Variants in LRR1 observed in about 807,000 individuals in gnomAD.
LRR1 encodes leucine rich repeat protein 1, also known as leucine-rich repeat protein 1.
LRR1 carries 29 observed loss-of-function variants against 31.6 expected under a neutral mutation model. The observed-to-expected ratio is 0.92, with a 90% confidence interval of 0.68 to 1.25. The LOEUF is 1.25. Ranked by LOEUF, LRR1 falls within the 50% of genes most tolerant of loss-of-function variation. The pLI is 0.00. For missense variants in LRR1, 485 were observed against 487.2 expected, an observed-to-expected ratio of 1.00 and a Z score of 0.04; for synonymous variants, 179 against 181.4, an observed-to-expected ratio of 0.99 and a Z score of 0.10.
At chr14:49,601,209 T>C (rs1337753894) in intron 1 of LRR1, 1 of 1,477,288 alleles carries the variant, frequency 6.8e-7, no homozygotes, top group African/African-American at 1.4e-5. Flanking sequence ...TATTAAAGCT[T>C]AATGTGCTTT....
chr14:49,601,763 CAGAG>C, intron 1 of LRR1: 18 of 988,282 alleles, frequency 1.8e-5, no homozygotes, highest in Non-Finnish European at 2.3e-5. Flanking sequence ...ACTGGACAGA[CAGAG>C]CAGTAACATC....
At chr14:49,606,837 A>G (rs1183645641) in intron 2 of LRR1, among the ~76,000 whole-genome samples, 1 of 150,740 alleles carries the variant, frequency 6.6e-6, no homozygotes, top group Admixed American at 6.6e-5. Context: ...TTGTATTTTT[A>G]GTAGAAACAG....
In LRR1 at chr14:49,614,560, A is replaced by G. The variant is rs763749876; in HGVS notation, c.*64A>G. 2.5e-6 allele frequency: 4 copies of G among 1,602,734 alleles called. No homozygotes were observed. In the East Asian group the frequency reaches 6.7e-5, roughly 27 times the overall value. ...GTTTGGGGTGCATGTATGATTTTGC[A>G]GCGTCAAATTGGAGTAAGGGAAGAT... On this transcript the variant is annotated 3_prime_UTR_variant, in exon 4 of 4. Transcript: ENST00000298288.
At chr14:49,614,228 A>G (rs1260658546) in intron 3 of LRR1, 28 bp from the exon 4 acceptor site, 3 of 1,591,884 alleles carry the variant, frequency 1.9e-6, no homozygotes, top group Middle Eastern at 1.7e-4. Context: ...AACATGTTAT[A>G]AAATATTTTT....
At chr14:49,609,236 T>G (rs1440422871) in intron 3 of LRR1, among the ~76,000 whole-genome samples, 1 of 131,666 alleles carries the variant, frequency 7.6e-6, no homozygotes, top group Non-Finnish European at 1.6e-5. Flanking sequence ...TTTTTTTTTT[T>G]TTTTTTTGAG....
Position 49,612,848 on chromosome 14 carries a change from T to C in LRR1, c.1005-1408T>C, listed in dbSNP as rs529125935. On this transcript the variant is annotated intron_variant, in intron 3 of 3. Coordinates refer to ENST00000298288, the MANE Select transcript of LRR1 (RefSeq NM_152329.4). ...CATGGTTGTGTTTAGCGGGGAGGTT[T>C]GGGCAGTGGGCAGGCAATCTCAAGA... is the stretch of plus-strand genomic sequence containing the variant. Among the ~76,000 whole-genome samples, 57 of 152,228 alleles carry C rather than the reference T, an allele frequency of 3.7e-4. No individual in the cohort carries two copies. The South Asian group carries it at 0.01, about 28-fold the overall frequency.
In LRR1 at chr14:49,607,346, A is replaced by C. The variant is rs149501131; in HGVS notation, c.283-54A>C. The stretch of plus-strand genomic sequence containing the variant: ...AGAATTTGTTATGGGAAGAACTAGC[A>C]TGTATGTATTATCTCCAGTGGAATT... On this transcript the variant is annotated intron_variant, in intron 2 of 3. Transcript: ENST00000298288. 165 of 1,462,018 alleles carry C rather than the reference A, an allele frequency of 1.1e-4. No individual in the cohort carries two copies. The East Asian group carries it at 3.7e-3, about 32-fold the overall frequency. The allele number at this position is 1,462,018 out of a possible 1,614,324, so 90.6% of individuals were successfully genotyped here.
At chr14:49,610,475 G>A (rs1882472011) in intron 3 of LRR1, among the ~76,000 whole-genome samples, 1 of 151,562 alleles carries the variant, frequency 6.6e-6, no homozygotes, top group Non-Finnish European at 1.5e-5. Context: ...GGCTGGTTTT[G>A]AACTCCTGGC....
intron 1 of LRR1, chr14:49,601,517 C>T (rs1202384053): frequency 2.4e-6 from 2 of 831,696 alleles, no homozygotes; most frequent in Admixed American, 4.7e-5. Context: ...TTTGAGCACT[C>T]ATTATGTGTC....
chr14:49,601,441 A>G, intron 1 of LRR1: 1 of 526,488 alleles, frequency 1.9e-6, no homozygotes, highest in Non-Finnish European at 3.4e-6. Flanking sequence ...CAGATGCAAC[A>G]GCAATCATTA....
intron 2 of LRR1, 95 bp from the exon 3 acceptor site, chr14:49,607,305 T>G (rs779967598): frequency 3.4e-5 from 43 of 1,252,908 alleles, no homozygotes; most frequent in Non-Finnish European, 4.2e-5. Context: ...TGTATCACAT[T>G]CATAAGTAAT....
chr14:49,614,196 T>C, intron 3 of LRR1, 60 bp from the exon 4 acceptor site: 1 of 1,508,248 alleles, frequency 6.6e-7, no homozygotes, highest in Non-Finnish European at 8.9e-7. Context: ...CATGTCCTAA[T>C]AATTCATGTC....
intron 1 of LRR1, chr14:49,600,355 C>T (rs1882007844): frequency 9.0e-6 from 14 of 1,552,486 alleles, no homozygotes; most frequent in Admixed American, 3.3e-5. Flanking sequence ...TTAATAGGAG[C>T]TCAGATTGAT....
chr14:49,604,992 C>A (rs1358320667), intron 2 of LRR1, among the ~76,000 whole-genome samples: 1 of 151,984 alleles, frequency 6.6e-6, no homozygotes, highest in Non-Finnish European at 1.5e-5. Flanking sequence ...ACCTTCCAGG[C>A]TCAGGTGATC....
In LRR1 at chr14:49,598,996, G is replaced by C; in HGVS notation, c.-25G>C. On this transcript the variant is annotated 5_prime_UTR_variant, in exon 1 of 4. An upstream open reading frame in the 5' UTR loses its in-frame stop. Coordinates refer to ENST00000298288, the MANE Select transcript of LRR1 (RefSeq NM_152329.4). ...AAGGAGGAAGTTTCAAAGCCAGCTT[G>C]ACGTGGTTGTGGCCGTTGGGCGAGA... 6.3e-7 allele frequency: 1 copy of C among 1,591,158 alleles called. No homozygotes were observed. The highest frequency in any genetic ancestry group is 8.6e-7 in the Non-Finnish European group (1 of 1,167,740).
intron 3 of LRR1, among the ~76,000 whole-genome samples, chr14:49,613,018 G>A (rs931009144): frequency 6.6e-6 from 1 of 152,030 alleles, no homozygotes; most frequent in Non-Finnish European, 1.5e-5. Context: ...TGGCCAACAT[G>A]GTTAACCCCC....
rs184582715 is a variant in LRR1 at position 49,612,619 on chromosome 14, C to G, written c.1005-1637C>G. The G allele has an allele frequency of 2.8e-4, 295 of 1,060,960 alleles. 2 individuals carry two copies. In the African/African-American group the frequency reaches 4.7e-3, roughly 17 times the overall value. The allele number at this position is 1,060,960 out of a possible 1,614,324, so 65.7% of individuals were successfully genotyped here. ...AAATAGGGCCATCCTAGATCCCGTA[C>G]CAAAGGTAACCGCTGTTTTTTTATT... On this transcript the variant is annotated intron_variant, in intron 3 of 3. Coordinates refer to ENST00000298288, the MANE Select transcript of LRR1 (RefSeq NM_152329.4).
chr14:49,602,168 GAGA>G lies in LRR1; in HGVS notation c.184-199_184-197del, dbSNP rs1295287572. On this transcript the variant is annotated intron_variant, in intron 1 of 3. Transcript: ENST00000298288. Reference sequence around the variant, plus strand: ...TTTTTTTTTTTTTTTTTTTTTTTTTGAGAAGGAGTCTCTTTCTGTTGCCCAGCC... The same window carrying G: ...TTTTTTTTTTTTTTTTTTTTTTTTTGAGGAGTCTCTTTCTGTTGCCCAGCC... 2.2e-4 allele frequency among the ~76,000 whole-genome samples: 12 copies of G among 54,192 alleles called. No homozygotes were observed. In the Admixed American group the frequency reaches 2.5e-3, roughly 11 times the overall value. 35.6% of individuals were successfully genotyped at this position (54,192 alleles called of 152,430 possible).
Position 49,599,234 on chromosome 14 carries a change from C to T in LRR1, c.183+31C>T, listed in dbSNP as rs373277710. The T allele has an allele frequency of 2.1e-5, 32 of 1,553,960 alleles. No individual in the cohort carries two copies. In the African/African-American group the frequency reaches 3.5e-4, roughly 17 times the overall value. On this transcript the variant is annotated intron_variant, in intron 1 of 3. Coordinates refer to ENST00000298288, the MANE Select transcript of LRR1 (RefSeq NM_152329.4). The stretch of plus-strand genomic sequence containing the variant: ...TGAAGTGGGCAGGCCCTGTCAGTCT[C>T]GCGTTCTTCTTGGAAGCCGAGACGC...
Sources: gnomAD v4.1 joint callset for allele counts (sites outside exome capture counted in the v4.1 genomes callset) on GRCh38, gnomAD v4.1.1 for gene constraint, MANE v1.5 for transcripts, NCBI Gene and HGNC (gene_info 2026-07-23, HGNC 2026-07-21) for gene names.